Variants in KCND3 observed in about 807,000 individuals in gnomAD.
KCND3 encodes the protein potassium voltage-gated channel subfamily D member 3, also known as A-type voltage-gated potassium channel KCND3.
In KCND3, 9 loss-of-function variants were observed where a neutral mutation model predicts 51.1. The ratio of observed to expected loss-of-function variants is 0.18; its 90% CI spans 0.11 to 0.31. The LOEUF (loss-of-function observed/expected upper bound fraction) is 0.31, where lower values mean the gene tolerates loss of function less well. KCND3 is among the 10% of genes least tolerant of loss of function. The probability of loss-of-function intolerance (pLI) is 1.00; values close to 1 mark genes in which losing one functional copy is unlikely to be tolerated. For synonymous variants in KCND3, 349 were observed against 368.0 expected (o/e 0.95, Z 0.59); for missense variants, 526 against 903.8 (o/e 0.58, Z 5.36).
At chr1:111,971,996 C>G (rs1674352665) in intron 2 of KCND3, among the ~76,000 whole-genome samples, 1 of 152,184 alleles carries the variant, frequency 6.6e-6, no homozygotes, top group Non-Finnish European at 1.5e-5. Flanking sequence ...CTTCCACATT[C>G]ATCCAGAAGA....
chr1:111,897,265 C>G (rs191885185), intron 2 of KCND3, among the ~76,000 whole-genome samples: 2 of 152,202 alleles, frequency 1.3e-5, no homozygotes, highest in Non-Finnish European at 2.9e-5. Context: ...CTCTCTGCAC[C>G]CTGGTGGTCC....
At position 111,982,508 on chromosome 1, in the gene KCND3, G is replaced by A. The variant is rs1394721123; in HGVS notation, c.219C>T (p.Phe73=). The A allele has an allele frequency of 1.2e-6, 2 of 1,607,516 alleles. No individual in the cohort carries two copies. The highest frequency in any genetic ancestry group is 1.7e-6 in the Non-Finnish European group (2 of 1,174,986). ...ACTCCTTGGTGTCCTCGTTGAAGAA[G>A]AACTCCTTCTCCGTGCTGCCCAGCA... ...DTLLGSTEKE[F]FFNEDTKEYF... is the part of the protein sequence containing the mutation. The change falls in exon 2 of 8, where the codon TTC becomes TTT. Residue 73 remains phenylalanine, a synonymous_variant. Coordinates refer to ENST00000302127, the MANE Select transcript of KCND3 (RefSeq NM_001378969.1). The surrounding 1 kb of genome is among the most constrained non-coding windows in gnomAD (Gnocchi z 8.5).
At chr1:111,938,986 T>C (rs1203185106) in intron 2 of KCND3, among the ~76,000 whole-genome samples, 1 of 152,224 alleles carries the variant, frequency 6.6e-6, no homozygotes, top group Non-Finnish European at 1.5e-5. Flanking sequence ...AATCATTCTT[T>C]AGATTCTGGC....
At chr1:111,816,620 T>C (rs774928651) in intron 2 of KCND3, among the ~76,000 whole-genome samples, 2 of 152,242 alleles carry the variant, frequency 1.3e-5, no homozygotes, top group Non-Finnish European at 2.9e-5. Flanking sequence ...GCGCTTCTAC[T>C]GTGTCTTCAT....
intron 2 of KCND3, among the ~76,000 whole-genome samples, chr1:111,872,472 T>C (rs1379339382): frequency 1.3e-5 from 2 of 152,244 alleles, no homozygotes; most frequent in East Asian, 3.8e-4. Flanking sequence ...TATGGAACAA[T>C]GTTCTACAAG....
chr1:111,961,455 T>A (rs1436908759), intron 2 of KCND3, among the ~76,000 whole-genome samples: 1 of 152,172 alleles, frequency 6.6e-6, no homozygotes, highest in Non-Finnish European at 1.5e-5. Flanking sequence ...CTCTTTGGCA[T>A]CTGAAAGCCA....
chr1:111,830,430 T>C (rs1361580871), intron 2 of KCND3, among the ~76,000 whole-genome samples: 2 of 152,200 alleles, frequency 1.3e-5, no homozygotes, highest in Non-Finnish European at 2.9e-5. Context: ...CCCTGGAGCA[T>C]ATCTTAAGCC....
chr1:111,798,533 C>T (rs1665158691), intron 2 of KCND3, among the ~76,000 whole-genome samples: 1 of 151,960 alleles, frequency 6.6e-6, no homozygotes, highest in Non-Finnish European at 1.5e-5. Flanking sequence ...TGGTGCCTGA[C>T]ATGCTGCACG....
chr1:111,796,775 C>T (rs1288345960), intron 2 of KCND3, among the ~76,000 whole-genome samples: 1 of 152,178 alleles, frequency 6.6e-6, no homozygotes, highest in Non-Finnish European at 1.5e-5. Context: ...AATGGAGAAA[C>T]TTTCAAAGTG....
intron 2 of KCND3, among the ~76,000 whole-genome samples, chr1:111,972,768 T>A: frequency 6.6e-6 from 1 of 152,238 alleles, no homozygotes; most frequent in Admixed American, 6.5e-5. Flanking sequence ...GGGACAAGCC[T>A]CATGTTTTCT....
At chr1:111,853,628 T>G (rs1358980603) in intron 2 of KCND3, 2 of 152,250 alleles carry the variant, frequency 1.3e-5, no homozygotes, top group Non-Finnish European at 2.9e-5. Flanking sequence ...ACACGGTCCA[T>G]GATGCTTTCT....
At chr1:111,862,778 T>C (rs1488824926) in intron 2 of KCND3, among the ~76,000 whole-genome samples, 1 of 152,212 alleles carries the variant, frequency 6.6e-6, no homozygotes, top group African/African-American at 2.4e-5. Flanking sequence ...TCAGCTATTA[T>C]AGGTAAAGCA....
intron 3 of KCND3, among the ~76,000 whole-genome samples, chr1:111,781,789 G>A (rs996853605): frequency 6.6e-6 from 1 of 152,158 alleles, no homozygotes; most frequent in Non-Finnish European, 1.5e-5. Flanking sequence ...CTTGCACAGG[G>A]AGAAGCTGAA....
In KCND3 at chr1:111,777,080, T is replaced by C; in HGVS notation, c.1712A>G (p.Gln571Arg). ...CTGGATGTGGATCGTGCTGAGCTCT[T>C]GCATGCTGCGCAGGCGAGTAGCTGG... ...NLPATRLRSM[Q>R]ELSTIHIQGS... is the part of the protein sequence containing the mutation. The change falls in exon 7 of 8, where the codon CAA (glutamine) becomes CGA (arginine). Residue 571 changes from glutamine to arginine, a missense_variant. Around this residue, in one of 5 missense-constraint regions of KCND3, gnomAD observed 266 missense variants for 305.5 expected, o/e 0.87. Transcript: ENST00000302127. 6.2e-7 allele frequency: 1 copy of C among 1,614,044 alleles called. No homozygotes were observed. The highest frequency in any genetic ancestry group is 8.5e-7 in the Non-Finnish European group (1 of 1,179,918).
At chr1:111,929,733 G>A (rs1671873417) in intron 2 of KCND3, among the ~76,000 whole-genome samples, 1 of 152,192 alleles carries the variant, frequency 6.6e-6, no homozygotes, top group African/African-American at 2.4e-5. Flanking sequence ...TCCTGGAGCT[G>A]CAGAGCTGAG....
At chr1:111,877,674 T>C (rs1669109569) in intron 2 of KCND3, among the ~76,000 whole-genome samples, 1 of 152,196 alleles carries the variant, frequency 6.6e-6, no homozygotes, top group African/African-American at 2.4e-5. Context: ...TCTCATATAT[T>C]ATTCCCACAT....
At chr1:111,954,172 G>A (rs1309614173) in intron 2 of KCND3, among the ~76,000 whole-genome samples, 2 of 152,134 alleles carry the variant, frequency 1.3e-5, no homozygotes, top group Non-Finnish European at 2.9e-5. Context: ...GCAGACTGTG[G>A]AATTTTCTGC....
chr1:111,784,457 C>A (rs1318147678), intron 3 of KCND3, among the ~76,000 whole-genome samples: 1 of 152,108 alleles, frequency 6.6e-6, no homozygotes, highest in Non-Finnish European at 1.5e-5. Flanking sequence ...GTTCACTTGG[C>A]TCAGAGGACA....
intron 2 of KCND3, among the ~76,000 whole-genome samples, chr1:111,789,251 G>T (rs1664730237): frequency 6.6e-6 from 1 of 152,208 alleles, no homozygotes; most frequent in South Asian, 2.1e-4. Context: ...CCTCCTGCTG[G>T]GGCAGATGGT....
Sources: allele counts gnomAD v4.1 joint callset (sites outside exome capture counted in the v4.1 genomes callset), GRCh38; gene constraint gnomAD v4.1.1; regional missense constraint gnomAD v4.1.1; non-coding constraint Gnocchi (gnomAD v3.1); transcripts MANE v1.5; gene names NCBI Gene and HGNC (gene_info 2026-07-23, HGNC 2026-07-21).